The following TTC27 variants were observed in gnomAD, a reference collection of about 807,000 sequenced individuals.
The protein encoded by TTC27 is tetratricopeptide repeat protein 27.
In TTC27, 79 loss-of-function variants were observed where a neutral mutation model predicts 115.9. That is an observed-to-expected ratio of 0.68 (90% CI 0.57 to 0.82). The LOEUF is 0.82. Among genes scored for constraint, TTC27 ranks in the 40% least tolerant of loss-of-function variants. The pLI is 0.00. For missense variants in TTC27, 1,054 were observed against 993.1 expected, an observed-to-expected ratio of 1.06 and a Z score of -0.82; for synonymous variants, 401 against 356.0, an observed-to-expected ratio of 1.13 and a Z score of -1.42.
intron 19 of TTC27, among the ~76,000 whole-genome samples, chr2:32,817,831 A>G (rs1671557790): frequency 6.6e-6 from 1 of 152,120 alleles, no homozygotes; most frequent in Non-Finnish European, 1.5e-5. Flanking sequence ...CAAGGCAGGC[A>G]GATCATTTGA....
intron 10 of TTC27, among the ~76,000 whole-genome samples, chr2:32,723,855 A>G (rs1378642703): frequency 6.7e-6 from 1 of 150,054 alleles, no homozygotes; most frequent in East Asian, 2.0e-4. Context: ...GCTGGAGTGC[A>G]GTGGCATAAT....
chr2:32,664,309 A>C lies in TTC27; in HGVS notation c.647A>C (p.Lys216Thr). Residue 216 changes from lysine (K) to threonine (T), a missense_variant, in exon 6 of 20, where the codon AAA becomes ACA. By Grantham distance (78) the Lys-to-Thr change is moderately conservative. Transcript: ENST00000317907. ...LAENCIDQVM[K>T]LQNLFVDDSG... ...TTTATCTTTTGTCTTGCAGTGATGA[A>C]ACTACAGAATCTGTTTGTAGATGAT... 2 of 1,594,970 alleles carry C rather than the reference A, an allele frequency of 1.3e-6. No homozygotes were observed. The highest frequency in any genetic ancestry group is 1.7e-6 in the Non-Finnish European group (2 of 1,172,200).
intron 16 of TTC27, among the ~76,000 whole-genome samples, chr2:32,788,255 A>G (rs1670412794): frequency 6.6e-6 from 1 of 152,208 alleles, no homozygotes; most frequent in South Asian, 2.1e-4. Flanking sequence ...TACATGAAAC[A>G]TTCAAATCCA....
chr2:32,698,741 A>G (rs7588226), intron 9 of TTC27, among the ~76,000 whole-genome samples: 4 of 152,106 alleles, frequency 2.6e-5, no homozygotes, highest in African/African-American at 7.2e-5. Flanking sequence ...CGGCCTCCCA[A>G]AGTGCTGGGA....
At chr2:32,782,573 A>C (rs1289876159) in intron 14 of TTC27, 53 bp from the exon 15 acceptor site, 1 of 1,552,670 alleles carries the variant, frequency 6.4e-7, no homozygotes, top group Non-Finnish European at 8.8e-7. Flanking sequence ...GGTTTAAGCA[A>C]TAATTTTACC....
At chr2:32,757,123 G>A (rs1021458869) in intron 12 of TTC27, among the ~76,000 whole-genome samples, 1 of 152,140 alleles carries the variant, frequency 6.6e-6, no homozygotes, top group Non-Finnish European at 1.5e-5. Context: ...TAGGTTTTAA[G>A]CAGTGCCTAT....
chr2:32,762,273 AGAAGT>A (rs1669461406), intron 13 of TTC27, among the ~76,000 whole-genome samples: 7 of 145,438 alleles, frequency 4.8e-5, no homozygotes, highest in Non-Finnish European at 7.5e-5. Context: ...AAACACAGAG[AGAAGT>A]GTGTGTGTGT....
At position 32,746,149 on chromosome 2, in the gene TTC27, G is replaced by A. The variant is rs115243465; in HGVS notation, c.1452+9333G>A. 9.2e-3 allele frequency among the ~76,000 whole-genome samples: 1,395 copies of A among 152,270 alleles called. 12 individuals are homozygous for A. Among genetic ancestry groups the A allele is most frequent in the Middle Eastern group, 0.024 (7 of 294 alleles). On this transcript the variant is annotated intron_variant, in intron 12 of 19. Coordinates refer to ENST00000317907, the MANE Select transcript of TTC27 (RefSeq NM_017735.5). ...GGGGTTTGCATCTGAAAAGATTCTT[G>A]CAAGCGCTGCAGGTTCATTGCAACC...
intron 5 of TTC27, among the ~76,000 whole-genome samples, chr2:32,653,427 C>T (rs772661659): frequency 3.3e-5 from 5 of 151,972 alleles, no homozygotes; most frequent in African/African-American, 1.2e-4. Flanking sequence ...AACCCTGTCT[C>T]TACTAAAAAC....
chr2:32,803,279 GCCCAAGC>G (rs986173474), intron 16 of TTC27, among the ~76,000 whole-genome samples: 2 of 152,238 alleles, frequency 1.3e-5, no homozygotes, highest in Admixed American at 6.5e-5. Flanking sequence ...CGGCCAGGCT[GCCCAAGC>G]CCTTGCTGTC....
At chr2:32,706,856 C>T (rs1263001803) in intron 10 of TTC27, among the ~76,000 whole-genome samples, 1 of 152,226 alleles carries the variant, frequency 6.6e-6, no homozygotes, top group East Asian at 1.9e-4. Context: ...AGCCACTGCG[C>T]CTGGCCCCCT....
intron 13 of TTC27, among the ~76,000 whole-genome samples, chr2:32,777,337 C>G (rs1009387303): frequency 6.6e-6 from 1 of 152,232 alleles, no homozygotes; most frequent in Admixed American, 6.5e-5. Context: ...CGCCCCCAAC[C>G]CCAATACCAA....
chr2:32,722,297 T>C (rs1572548636), intron 10 of TTC27, among the ~76,000 whole-genome samples: 1 of 152,234 alleles, frequency 6.6e-6, no homozygotes, highest in South Asian at 2.1e-4. Context: ...AATAACTGTG[T>C]GCATTTGAAA....
chr2:32,629,147 G>A (rs779199346), intron 1 of TTC27, among the ~76,000 whole-genome samples: 12 of 151,568 alleles, frequency 7.9e-5, no homozygotes, highest in Non-Finnish European at 1.6e-4. Flanking sequence ...GGGGGATGGA[G>A]TCTCCCTCTT....
chr2:32,738,546 A>G (rs1008929546), intron 12 of TTC27, among the ~76,000 whole-genome samples: 1 of 152,200 alleles, frequency 6.6e-6, no homozygotes, highest in African/African-American at 2.4e-5. Context: ...GTGCATGTGA[A>G]AGCTAATGAT....
intron 16 of TTC27, among the ~76,000 whole-genome samples, chr2:32,800,831 C>T (rs1670903882): frequency 6.6e-6 from 1 of 152,090 alleles, no homozygotes; most frequent in South Asian, 2.1e-4. Flanking sequence ...CTCCTCTCAT[C>T]ATCATTGTCA....
chr2:32,735,627 C>T (rs1410761837), intron 11 of TTC27, among the ~76,000 whole-genome samples: 3 of 150,850 alleles, frequency 2.0e-5, no homozygotes, highest in African/African-American at 7.3e-5. Context: ...AATAACAGAA[C>T]AGTTTATTAT....
intron 13 of TTC27, among the ~76,000 whole-genome samples, chr2:32,760,157 T>C (rs1008325331): frequency 1.3e-5 from 2 of 152,238 alleles, no homozygotes; most frequent in African/African-American, 4.8e-5. Context: ...TTGAGCTAAT[T>C]GCTTACTTTC....
At chr2:32,632,484 A>G (rs771949516) in intron 2 of TTC27, among the ~76,000 whole-genome samples, 10 of 152,244 alleles carry the variant, frequency 6.6e-5, no homozygotes, top group Non-Finnish European at 1.3e-4. Context: ...TTTGAAAGTT[A>G]AAGTGTATTT....
Sources: allele counts gnomAD v4.1 joint callset (sites outside exome capture counted in the v4.1 genomes callset), GRCh38; gene constraint gnomAD v4.1.1; transcripts MANE v1.5; gene names NCBI Gene and HGNC (gene_info 2026-07-23, HGNC 2026-07-21).